The following ABHD14A variants were observed in gnomAD, a reference collection of about 807,000 sequenced individuals.
ABHD14A encodes abhydrolase domain containing 14A, also known as protein ABHD14A.
In ABHD14A, 19 loss-of-function variants were observed where a neutral mutation model predicts 27.0. The observed-to-expected ratio is 0.70, with a 90% CI of 0.49 to 1.03. ABHD14A has a LOEUF of 1.03. Ranked by LOEUF, ABHD14A falls within the 50% of genes least tolerant of loss-of-function variation. The pLI is 0.00. For synonymous variants in ABHD14A, 148 were observed against 158.8 expected, an observed-to-expected ratio of 0.93 and a Z score of 0.51; for missense variants, 311 against 344.6, an observed-to-expected ratio of 0.90 and a Z score of 0.77.
In ABHD14A at chr3:51,981,045, G is replaced by T. The variant is rs1297366195; in HGVS notation, c.*27G>T. ...CTAACCCACTCCCAGCTCCCAGCCT[G>T]GCATGAGCTTGGACAGTCTGGACCG... On this transcript the variant is annotated 3_prime_UTR_variant, in exon 5 of 5. Transcript: ENST00000273596. 1 of 1,598,400 alleles carries T rather than the reference G, an allele frequency of 6.3e-7. No individual in the cohort carries two copies. Among genetic ancestry groups the T allele is most frequent in the Non-Finnish European group, 8.6e-7 (1 of 1,167,460 alleles).
At chr3:51,979,461 TTTTG>T (rs1362135024) in intron 3 of ABHD14A, among the ~76,000 whole-genome samples, 19 of 151,904 alleles carry the variant, frequency 1.3e-4, no homozygotes, top group African/African-American at 1.9e-4. Context: ...TTTGTTTTTT[TTTTG>T]TTTGTTTCTT....
chr3:51,980,888 C>T lies in ABHD14A; in HGVS notation c.686C>T (p.Ser229Leu). ...CTGGACCACATCCTGGCTCGAGAGT[C>T]ACTGCGGCAGCTCCGCCACCTGCCC... Reference protein sequence around the residue: ...GELDHILARESLRQLRHLPNH... With the variant: ...GELDHILARELLRQLRHLPNH... The change falls in exon 5 of 5, where the codon TCA (serine) becomes TTA (leucine). Residue 229 changes from serine to leucine, a missense_variant. Ser to Leu is a moderately radical substitution (Grantham distance 145, BLOSUM62 -2). Transcript: ENST00000273596. 6.2e-7 allele frequency: 1 copy of T among 1,614,162 alleles called. No homozygotes were observed. The highest frequency in any genetic ancestry group is 8.5e-7 in the Non-Finnish European group (1 of 1,180,028).
Position 51,977,933 on chromosome 3 carries a change from C to T in ABHD14A, c.132C>T (p.Leu44=). The T allele has an allele frequency of 3.7e-6, 6 of 1,614,174 alleles. No individual in the cohort carries two copies. Among genetic ancestry groups the T allele is most frequent in the Non-Finnish European group, 5.1e-6 (6 of 1,180,040 alleles). ...CCCTGCTGGGCCTGAGTCTGCTGCT[C>T]ATGCTCCTACTGTATGTGGGGCTGC... is the stretch of plus-strand genomic sequence containing the variant. The part of the protein sequence containing the change: ...QVALLGLSLL[L]MLLLYVGLPG... The change falls in exon 2 of 5, where the codon CTC becomes CTT. Residue 44 remains leucine, a synonymous_variant. Coordinates refer to ENST00000273596, the MANE Select transcript of ABHD14A (RefSeq NM_015407.5).
intron 3 of ABHD14A, 71 bp downstream of exon 3, chr3:51,978,445 G>A (rs1397490505): frequency 4.1e-6 from 5 of 1,224,382 alleles, no homozygotes; most frequent in Non-Finnish European, 5.8e-6. Flanking sequence ...CCTAGGGTCT[G>A]GACAGGCCGT....
At chr3:51,979,488 G>GT (rs34498641) in intron 3 of ABHD14A, among the ~76,000 whole-genome samples, 463 of 136,560 alleles carry the variant, frequency 3.4e-3, no homozygotes, top group Non-Finnish European at 4.3e-3. Context: ...TTTGTTTTTT[G>GT]TTTTTTTTTT....
chr3:51,978,748 C>T (rs530254619), intron 3 of ABHD14A: 2 of 255,830 alleles, frequency 7.8e-6, no homozygotes, highest in South Asian at 3.5e-5. Flanking sequence ...ACTGCCACCA[C>T]GCCTGGCTAA....
In ABHD14A at chr3:51,977,863, C is replaced by T. The variant is rs411209; in HGVS notation, c.70-8C>T. 46,018 of 1,606,434 alleles carry T rather than the reference C, an allele frequency of 0.029. 3,255 individuals are homozygous for T. The highest frequency in any genetic ancestry group is 0.26 in the African/African-American group (19,728 of 74,824). On this transcript the variant is annotated splice_polypyrimidine_tract_variant and splice_region_variant and intron_variant, in intron 1 of 4. Coordinates refer to ENST00000273596, the MANE Select transcript of ABHD14A (RefSeq NM_015407.5). The stretch of plus-strand genomic sequence containing the variant: ...CCAGCCTCTTTTCCCTCTCCTCTCC[C>T]TCTCCAGACTGTGGTACAGACCTCC...
chr3:51,978,426 C>T, intron 3 of ABHD14A, 52 bp downstream of exon 3: 4 of 1,419,184 alleles, frequency 2.8e-6, no homozygotes, highest in South Asian at 2.5e-5. Context: ...GGCTGGGAGG[C>T]AACTGGACCC....
chr3:51,978,391 CT>C lies in ABHD14A; in HGVS notation c.397+20del. The stretch of plus-strand genomic sequence containing the variant: ...ACCTTCCAGGTGAGCACCCCCACCC[CT>C]TTGTCTAGGGAAGCCTTAAGTGTGG... On this transcript the variant is annotated intron_variant, in intron 3 of 4. Coordinates refer to ENST00000273596, the MANE Select transcript of ABHD14A (RefSeq NM_015407.5). 6.5e-7 allele frequency: 1 copy of C among 1,544,972 alleles called. No individual in the cohort carries two copies. Among genetic ancestry groups the C allele is most frequent in the South Asian group, 1.2e-5 (1 of 83,768 alleles).
chr3:51,979,574 TTC>T (rs1278835038), intron 3 of ABHD14A, among the ~76,000 whole-genome samples: 1 of 148,332 alleles, frequency 6.7e-6, no homozygotes, highest in Non-Finnish European at 1.5e-5. Context: ...AACCTCCGCC[TTC>T]TGGGTTCAAG....
At position 51,978,083 on chromosome 3, in the gene ABHD14A, G is replaced by A; in HGVS notation, c.281+1G>A. 3.1e-6 allele frequency: 5 copies of A among 1,613,004 alleles called. No individual in the cohort carries two copies. The highest frequency in any genetic ancestry group is 4.2e-6 in the Non-Finnish European group (5 of 1,179,524). ...TGCTCCCACTCAACCAGGCACACAG[G>A]TAGGTGCTGCTCCAAGGGTCTAGTG... On this transcript the variant is annotated splice_donor_variant, in intron 2 of 4. Coordinates refer to ENST00000273596, the MANE Select transcript of ABHD14A (RefSeq NM_015407.5). LOFTEE classifies it high-confidence loss of function.
chr3:51,979,465 G>T (rs2015164), intron 3 of ABHD14A, among the ~76,000 whole-genome samples: 6,241 of 148,158 alleles, frequency 0.042, 477 homozygotes, highest in African/African-American at 0.15. Context: ...TTTTTTTTTT[G>T]TTTGTTTCTT....
At chr3:51,980,804 C>T (rs747481080) in intron 4 of ABHD14A, 32 bp from the exon 5 acceptor site, 2 of 1,598,938 alleles carry the variant, frequency 1.3e-6, no homozygotes, top group South Asian at 1.1e-5. Context: ...TCATCAGGCC[C>T]CAAGATCACA....
intron 3 of ABHD14A, among the ~76,000 whole-genome samples, chr3:51,979,932 A>AT (rs1388105514): frequency 1.5e-4 from 22 of 146,158 alleles, no homozygotes; most frequent in South Asian, 2.2e-4. Context: ...ATTTTATTTT[A>AT]TTTTTTTTTT....
chr3:51,977,267 G>A (rs886795527), intron 1 of ABHD14A, among the ~76,000 whole-genome samples: 8 of 152,254 alleles, frequency 5.3e-5, no homozygotes, highest in South Asian at 2.1e-4. Flanking sequence ...GTCCCTTTGC[G>A]CGCAGTCTTT....
Position 51,975,323 on chromosome 3 carries a change from G to GA in ABHD14A, c.69+121dup, listed in dbSNP as rs1337162195. ...CGGAAGAAGCAGACGCTGGGGCCGCGAATGTGCATGTGCGCGCGTGTAATG... is the reference window on the plus strand; with the variant it reads ...CGGAAGAAGCAGACGCTGGGGCCGCGAAATGTGCATGTGCGCGCGTGTAATG... On this transcript the variant is annotated intron_variant, in intron 1 of 4. Coordinates refer to ENST00000273596, the MANE Select transcript of ABHD14A (RefSeq NM_015407.5). 3 of 965,096 alleles carry GA rather than the reference G, an allele frequency of 3.1e-6. No individual in the cohort carries two copies. The African/African-American group carries it at 5.1e-5, about 16-fold the overall frequency. 59.8% of individuals were successfully genotyped at this position (965,096 alleles called of 1,614,324 possible).
chr3:51,979,154 G>A, intron 3 of ABHD14A: 1 of 172,792 alleles, frequency 5.8e-6, no homozygotes, highest in Non-Finnish European at 1.3e-5. Context: ...AGTGGGGGCT[G>A]TAAACATGAT....
chr3:51,978,351 G>A lies in ABHD14A; in HGVS notation c.374G>A (p.Arg125Gln), dbSNP rs369911423. 26 of 1,551,440 alleles carry A rather than the reference G, an allele frequency of 1.7e-5. No individual in the cohort carries two copies. Among genetic ancestry groups the A allele is most frequent in the East Asian group, 7.3e-5 (3 of 40,926 alleles). ...CAGCTACTGTCACAGAGGGGCTACC[G>A]GGCCGTGGCCCTTGACCTTCCAGGT... ...TLQLLSQRGY[R>Q]AVALDLPGFG... The change falls in exon 3 of 5, where the codon CGG (arginine) becomes CAG (glutamine). Residue 125 changes from arginine to glutamine, a missense_variant. Arg to Gln is a conservative substitution (Grantham distance 43). Transcript: ENST00000273596.
At chr3:51,980,716 C>T in intron 4 of ABHD14A, 88 bp downstream of exon 4, 1 of 1,554,640 alleles carries the variant, frequency 6.4e-7, no homozygotes, top group Non-Finnish European at 8.8e-7. Context: ...AGGGACATGG[C>T]CTTATCCCTG....
Sources: allele counts gnomAD v4.1 joint callset (sites outside exome capture counted in the v4.1 genomes callset), GRCh38; gene constraint gnomAD v4.1.1; transcripts MANE v1.5; gene names NCBI Gene and HGNC (gene_info 2026-07-23, HGNC 2026-07-21).